ZZZ3: variants seen among roughly 807,000 people sequenced by gnomAD.
The protein encoded by ZZZ3 is zinc finger ZZ-type containing 3, also known as ZZ-type zinc finger-containing protein 3.
In ZZZ3, 22 loss-of-function variants were observed where a neutral mutation model predicts 95.2. The ratio of observed to expected loss-of-function variants is 0.23; its 90% CI spans 0.17 to 0.33. The LOEUF is 0.33. Among genes scored for constraint, ZZZ3 ranks in the 10% least tolerant of loss-of-function variants. The probability of loss-of-function intolerance (pLI) is 1.00; values close to 1 mark genes in which losing one functional copy is unlikely to be tolerated. For synonymous variants in ZZZ3, 335 were observed against 358.9 expected, an observed-to-expected ratio of 0.93 and a Z score of 0.75; for missense variants, 885 against 1,066.5, an observed-to-expected ratio of 0.83 and a Z score of 2.37.
intron 5 of ZZZ3, among the ~76,000 whole-genome samples, chr1:77,586,296 T>C (rs539734561): frequency 6.6e-6 from 1 of 152,230 alleles, no homozygotes; most frequent in Non-Finnish European, 1.5e-5. Context: ...CAAAGACTTA[T>C]ATTGCCTCTA....
At chr1:77,614,553 C>T (rs1666123340) in intron 5 of ZZZ3, among the ~76,000 whole-genome samples, 1 of 151,980 alleles carries the variant, frequency 6.6e-6, no homozygotes, top group Non-Finnish European at 1.5e-5. Context: ...TAAATATTTT[C>T]TAATTATATT....
chr1:77,647,147 C>CT (rs2100939648), intron 1 of ZZZ3, among the ~76,000 whole-genome samples: 1 of 152,322 alleles, frequency 6.6e-6, no homozygotes, highest in African/African-American at 2.4e-5. Flanking sequence ...CAATTTCAAG[C>CT]TACTGACATA....
At chr1:77,624,023 T>C (rs924228868) in intron 5 of ZZZ3, among the ~76,000 whole-genome samples, 8 of 152,304 alleles carry the variant, frequency 5.3e-5, no homozygotes. Flanking sequence ...AAAAATAGCA[T>C]ATATGGTATA....
intron 1 of ZZZ3, among the ~76,000 whole-genome samples, chr1:77,679,422 C>T (rs918691565): frequency 6.6e-6 from 1 of 152,186 alleles, no homozygotes; most frequent in Admixed American, 6.5e-5. Flanking sequence ...CCTCCCTTCT[C>T]AGCCTCCCAA....
At chr1:77,592,675 A>T (rs1397269614) in intron 5 of ZZZ3, among the ~76,000 whole-genome samples, 7 of 152,190 alleles carry the variant, frequency 4.6e-5, no homozygotes, top group Admixed American at 1.3e-4. Context: ...TGAGCTCAAA[A>T]ATATTTATGA....
intron 1 of ZZZ3, among the ~76,000 whole-genome samples, chr1:77,651,914 G>A (rs1669847589): frequency 6.6e-6 from 1 of 151,680 alleles, no homozygotes; most frequent in Non-Finnish European, 1.5e-5. Context: ...CTACTCTGGG[G>A]CTGAGGCAGG....
chr1:77,675,143 T>C (rs996209372), intron 1 of ZZZ3, among the ~76,000 whole-genome samples: 6 of 152,074 alleles, frequency 3.9e-5, no homozygotes, highest in Non-Finnish European at 7.4e-5. Context: ...ACAAAGTTCT[T>C]CAAGGGCTAT....
chr1:77,573,740 T>C (rs1174357559), intron 12 of ZZZ3, among the ~76,000 whole-genome samples: 1 of 152,232 alleles, frequency 6.6e-6, no homozygotes, highest in African/African-American at 2.4e-5. Flanking sequence ...TGCCAAAGTA[T>C]ACAATCAGTA....
intron 1 of ZZZ3, among the ~76,000 whole-genome samples, chr1:77,669,059 C>T (rs1671504012): frequency 6.6e-6 from 1 of 151,126 alleles, no homozygotes; most frequent in Admixed American, 6.6e-5. Flanking sequence ...AGTCAGCACA[C>T]TGTGTGATTA....
chr1:77,584,395 A>C, intron 6 of ZZZ3, 122 bp downstream of exon 6: 1 of 974,394 alleles, frequency 1.0e-6, no homozygotes, highest in Non-Finnish European at 1.4e-6. Context: ...AGTACGGCTA[A>C]TTATAGACGA....
intron 5 of ZZZ3, among the ~76,000 whole-genome samples, chr1:77,618,530 G>C (rs1478653898): frequency 6.6e-6 from 1 of 152,148 alleles, no homozygotes; most frequent in African/African-American, 2.4e-5. Flanking sequence ...AAGACAAGCA[G>C]TGGTGAGAGA....
At chr1:77,613,570 G>T (rs1666018533) in intron 5 of ZZZ3, among the ~76,000 whole-genome samples, 1 of 151,898 alleles carries the variant, frequency 6.6e-6, no homozygotes, top group South Asian at 2.1e-4. Flanking sequence ...GAACCAAAAT[G>T]TCTCCTCTCT....
At chr1:77,590,976 C>T (rs970819940) in intron 5 of ZZZ3, among the ~76,000 whole-genome samples, 1 of 152,134 alleles carries the variant, frequency 6.6e-6, no homozygotes, top group African/African-American at 2.4e-5. Context: ...TATGCAGATT[C>T]TTATCATATT....
In ZZZ3 at chr1:77,641,548, T is replaced by C; in HGVS notation, c.-295A>G. 1 of 398,268 alleles carries C rather than the reference T, an allele frequency of 2.5e-6. No individual in the cohort carries two copies. The highest frequency in any genetic ancestry group is 4.4e-6 in the Non-Finnish European group (1 of 225,864). The allele number at this position is 398,268 out of a possible 1,614,324, so 24.7% of individuals were successfully genotyped here. A position where few individuals can be genotyped will look rare whatever the true frequency, so the allele number is the denominator to read the frequency against. On this transcript the variant is annotated 5_prime_UTR_variant, in exon 2 of 15. Coordinates refer to ENST00000370801, the MANE Select transcript of ZZZ3 (RefSeq NM_015534.6). ...TTTTAAAAAGCGTTTTGCCTAGTAT[T>C]TGATCCCCATGCGTCTGTATTTATC...
At chr1:77,620,539 T>C (rs770032132) in intron 5 of ZZZ3, among the ~76,000 whole-genome samples, 7 of 145,780 alleles carry the variant, frequency 4.8e-5, no homozygotes, top group Non-Finnish European at 7.7e-5. Flanking sequence ...GGAAGGAAAC[T>C]GAGCTGAATC....
chr1:77,573,286 ATTTTTT>A, intron 12 of ZZZ3, among the ~76,000 whole-genome samples: 1 of 146,996 alleles, frequency 6.8e-6, no homozygotes, highest in African/African-American at 2.5e-5. Context: ...TGCCCAGCTA[ATTTTTT>A]TTTTTTTTAA....
chr1:77,600,864 T>C (rs1447080752), intron 5 of ZZZ3, among the ~76,000 whole-genome samples: 1 of 152,166 alleles, frequency 6.6e-6, no homozygotes, highest in Non-Finnish European at 1.5e-5. Flanking sequence ...AAGACAGGAA[T>C]CAATTACACA....
chr1:77,622,649 G>A (rs1385879946), intron 5 of ZZZ3, among the ~76,000 whole-genome samples: 3 of 152,082 alleles, frequency 2.0e-5, no homozygotes, highest in African/African-American at 7.2e-5. Flanking sequence ...TTGAAACCTA[G>A]TAAAAAAGTT....
chr1:77,647,537 A>C (rs1167381053), intron 1 of ZZZ3, among the ~76,000 whole-genome samples: 4 of 152,130 alleles, frequency 2.6e-5, no homozygotes, highest in Non-Finnish European at 5.9e-5. Context: ...AAAAAAAAAA[A>C]AATACCCAAT....
Sources: allele counts gnomAD v4.1 joint callset (sites outside exome capture counted in the v4.1 genomes callset), GRCh38; gene constraint gnomAD v4.1.1; transcripts MANE v1.5; gene names NCBI Gene and HGNC (gene_info 2026-07-23, HGNC 2026-07-21).